MEIOC: variants seen among roughly 807,000 people sequenced by gnomAD.
MEIOC encodes meiosis-specific coiled-coil domain-containing protein MEIOC.
A neutral mutation model predicts 85.3 loss-of-function variants in MEIOC; 9 were observed. The ratio of observed to expected loss-of-function variants is 0.11; its 90% CI spans 0.06 to 0.18. MEIOC has a LOEUF of 0.18. Ranked by LOEUF, MEIOC falls within the 10% of genes least tolerant of loss-of-function variation. MEIOC has a pLI of 1.00. For missense variants in MEIOC, 898 were observed against 1,129.4 expected (o/e 0.80, Z 2.94); for synonymous variants, 365 against 393.7 (o/e 0.93, Z 0.86).
rs764196036 is a variant in MEIOC, at chr17:44,667,949, T to C, written c.2038T>C (p.Phe680Leu). Residue 680 changes from phenylalanine (F) to leucine (L), a missense_variant, in exon 5 of 8, where the codon TTT becomes CTT. Phe to Leu is a conservative substitution (Grantham distance 22). This residue lies in a region of MEIOC where 734 missense variants were observed against 860.1 expected (regional missense o/e 0.85). Transcript: ENST00000409122. ...GGGAGATTTAAGGCATAATCAGTGT[T>C]TTCAACAACTTGGTTCAAATGGGTT... ...MMGDLRHNQC[F>L]QQLGSNGFPL... 1 of 1,613,884 alleles carries C rather than the reference T, an allele frequency of 6.2e-7. No homozygotes were observed. The highest frequency in any genetic ancestry group is 2.2e-5 in the East Asian group (1 of 44,886).
chr17:44,662,506 T>C (rs1247033102), intron 3 of MEIOC, 35 bp downstream of exon 3: 10 of 1,406,936 alleles, frequency 7.1e-6, no homozygotes, highest in African/African-American at 1.5e-5. Context: ...AATTGAGGTA[T>C]TTTTAAATTT....
At chr17:44,675,919 C>A, downstream of MEIOC, 1 of 255,262 alleles carries the variant, frequency 3.9e-6, no homozygotes, top group Non-Finnish European at 6.1e-6. Context: ...TATTAACGCA[C>A]AAGTAATAAT....
intron 5 of MEIOC, 74 bp downstream of exon 5, chr17:44,668,307 A>G: frequency 7.8e-7 from 1 of 1,283,610 alleles, no homozygotes; most frequent in South Asian, 1.5e-5. Context: ...ACCTTAGTGT[A>G]GTGTAAGAGT....
chr17:44,675,985 C>A, downstream of MEIOC: 2 of 167,074 alleles, frequency 1.2e-5, no homozygotes, highest in Non-Finnish European at 2.5e-5. Flanking sequence ...AGATCTCCTT[C>A]AAAGATGAAA....
chr17:44,673,870 A>G, intron 7 of MEIOC, 106 bp from the exon 8 acceptor site: 2 of 1,334,402 alleles, frequency 1.5e-6, no homozygotes, highest in South Asian at 3.0e-5. Flanking sequence ...TTTTTTTACA[A>G]AAATAACATT....
In MEIOC at chr17:44,667,758, A is replaced by G; in HGVS notation, c.1847A>G (p.His616Arg). The change falls in exon 5 of 8, where the codon CAT (histidine) becomes CGT (arginine). Residue 616 changes from histidine (H) to arginine (R), a missense_variant. Physicochemically the swap from His to Arg is conservative, Grantham distance 29 (BLOSUM62 0). Coordinates refer to ENST00000409122, the MANE Select transcript of MEIOC (RefSeq NM_001145080.3). ...HNFQAKPQSGHYDPEEGPKHL... is the reference protein window; with the variant it reads ...HNFQAKPQSGRYDPEEGPKHL... ...TTTCAAGCCAAGCCCCAGAGTGGACATTATGATCCTGAGGAAGGTCCAAAG... is the reference window on the plus strand; with the variant it reads ...TTTCAAGCCAAGCCCCAGAGTGGACGTTATGATCCTGAGGAAGGTCCAAAG... 6.2e-7 allele frequency: 1 copy of G among 1,613,932 alleles called. No individual in the cohort carries two copies. The highest frequency in any genetic ancestry group is 8.5e-7 in the Non-Finnish European group (1 of 1,179,840).
chr17:44,663,718 T>C (rs1222122383), intron 3 of MEIOC, among the ~76,000 whole-genome samples: 2 of 152,170 alleles, frequency 1.3e-5, no homozygotes, highest in Admixed American at 6.5e-5. Context: ...ATATATTACA[T>C]TGAATTTTTT....
rs10514858 is a variant in MEIOC at position 44,675,438 on chromosome 17, A to G, written c.*1242A>G. The G allele has an allele frequency of 0.013, 13,088 of 973,042 alleles. 110 individuals carry two copies. Among genetic ancestry groups the G allele is most frequent in the South Asian group, 0.016 (327 of 21,022 alleles). The allele number at this position is 973,042 out of a possible 1,614,324, so 60.3% of individuals were successfully genotyped here. ...AACTATAATGTACTGATGAAATTTA[A>G]TTGAAATATCCTTGACTAGAAACAC... is the stretch of plus-strand genomic sequence containing the variant. On this transcript the variant is annotated 3_prime_UTR_variant, in exon 8 of 8. Transcript: ENST00000409122.
intron 2 of MEIOC, 117 bp downstream of exon 2, chr17:44,657,378 C>CT (rs35032511): frequency 0.02 from 5,769 of 294,402 alleles, 64 homozygotes; most frequent in African/African-American, 0.05. Flanking sequence ...CCAGGGAAAA[C>CT]TTTTTTTTTT....
intron 3 of MEIOC, among the ~76,000 whole-genome samples, chr17:44,664,235 G>A (rs375350143): frequency 4.6e-5 from 7 of 151,994 alleles, no homozygotes; most frequent in Admixed American, 1.3e-4. Context: ...GGTGGCACGC[G>A]CCTGTAGTCC....
At position 44,662,462 on chromosome 17, in the gene MEIOC, T is replaced by C. The variant is rs1971854950; in HGVS notation, c.350T>C (p.Ile117Thr). ...CAACCTTCTAATTCTCAGATCAGTA[T>C]AAAGAACAGGTAAATTAATTCATTT... ...IKQPSNSQIS[I>T]KNRIQTERND... The change falls in exon 3 of 8, where the codon ATA becomes ACA. Residue 117 changes from isoleucine (I) to threonine (T), a missense_variant. This residue lies in a region of MEIOC where 734 missense variants were observed against 860.1 expected (regional missense o/e 0.85). Coordinates refer to ENST00000409122, the MANE Select transcript of MEIOC (RefSeq NM_001145080.3). 3 of 1,528,970 alleles carry C rather than the reference T, an allele frequency of 2.0e-6. No individual in the cohort carries two copies. Among genetic ancestry groups the C allele is most frequent in the Non-Finnish European group, 1.8e-6 (2 of 1,135,948 alleles). The allele number at this position is 1,528,970 out of a possible 1,614,324, so 94.7% of individuals were successfully genotyped here.
At position 44,666,499 on chromosome 17, in the gene MEIOC, T is replaced by C. The variant is rs936954838; in HGVS notation, c.588T>C (p.Tyr196=). The C allele has an allele frequency of 6.2e-7, 1 of 1,601,392 alleles. No individual in the cohort carries two copies. Among genetic ancestry groups the C allele is most frequent in the Non-Finnish European group, 8.5e-7 (1 of 1,173,198 alleles). The part of the protein sequence containing the change: ...IDTVISQQAF[Y]SDESVSAMEK... ...CAGTCATCTCTCAGCAAGCTTTTTATAGTGATGAATCTGTGTCAGCAATGG... is the reference window on the plus strand; with the variant it reads ...CAGTCATCTCTCAGCAAGCTTTTTACAGTGATGAATCTGTGTCAGCAATGG... Residue 196 remains tyrosine (Y), a synonymous_variant, in exon 5 of 8, where the codon TAT becomes TAC. Coordinates refer to ENST00000409122, the MANE Select transcript of MEIOC (RefSeq NM_001145080.3).
In MEIOC at chr17:44,656,751, T is replaced by C. The variant is rs1242276446; in HGVS notation, c.69+69T>C. The stretch of plus-strand genomic sequence containing the variant: ...GCAAGAGGCGACGAGGAGGAGAGGC[T>C]GAGGAGGGGGCGCGTCCCTAGACGG... On this transcript the variant is annotated intron_variant, in intron 1 of 7. Transcript: ENST00000409122. The C allele has an allele frequency of 4.7e-6, 5 of 1,062,534 alleles. No homozygotes were observed. In the African/African-American group the frequency reaches 1.0e-4, roughly 21 times the overall value. The allele number at this position is 1,062,534 out of a possible 1,614,324, so 65.8% of individuals were successfully genotyped here.
At position 44,662,348 on chromosome 17, in the gene MEIOC, A is replaced by G. The variant is rs1214072710; in HGVS notation, c.236A>G (p.Tyr79Cys). 1 of 1,550,254 alleles carries G rather than the reference A, an allele frequency of 6.5e-7. No individual in the cohort carries two copies. Among genetic ancestry groups the G allele is most frequent in the Admixed American group, 2.0e-5 (1 of 50,790 alleles). Residue 79 changes from tyrosine (Y) to cysteine (C), a missense_variant, in exon 3 of 8, where the codon TAT becomes TGT. Tyr to Cys is a radical substitution (Grantham distance 194, BLOSUM62 -2). Around this residue, in one of 2 missense-constraint regions of MEIOC, gnomAD observed 734 missense variants for 860.1 expected, o/e 0.85. Coordinates refer to ENST00000409122, the MANE Select transcript of MEIOC (RefSeq NM_001145080.3). ...GACAATGTAGACCTAAGGCAGACCT[A>G]TACTCCATTTTCTTCAACAGAATAT... ...SEDNVDLRQT[Y>C]TPFSSTEYSS... is the part of the protein sequence containing the mutation.
At chr17:44,673,755 C>G (rs1426089451) in intron 7 of MEIOC, 5 of 701,946 alleles carry the variant, frequency 7.1e-6, no homozygotes, top group African/African-American at 1.8e-5. Context: ...AGTCTGTGTT[C>G]TACTCAAACT....
intron 2 of MEIOC, among the ~76,000 whole-genome samples, chr17:44,660,812 G>T (rs980245434): frequency 2.0e-5 from 3 of 151,750 alleles, no homozygotes; most frequent in African/African-American, 4.8e-5. Context: ...AAAACCCAAG[G>T]CCCGGCAAAG....
Position 44,667,590 on chromosome 17 carries a change from A to G in MEIOC, c.1679A>G (p.Asn560Ser), listed in dbSNP as rs368948349. Residue 560 changes from asparagine to serine, a missense_variant, in exon 5 of 8, where the codon AAT becomes AGT. Asn to Ser is a conservative substitution (Grantham distance 46). Coordinates refer to ENST00000409122, the MANE Select transcript of MEIOC (RefSeq NM_001145080.3). ...GGTGCAGAAAGAATCCAATCTGTCA[A>G]TCACATAGAAGGACTAACAAAGCCT... ...YSGAERIQSVNHIEGLTKPGE... is the reference protein window; with the variant it reads ...YSGAERIQSVSHIEGLTKPGE... The G allele has an allele frequency of 1.8e-5, 29 of 1,613,798 alleles. No individual in the cohort carries two copies. Among genetic ancestry groups the G allele is most frequent in the Non-Finnish European group, 2.4e-5 (28 of 1,179,808 alleles).
chr17:44,675,829 G>A, downstream of MEIOC: 1 of 838,662 alleles, frequency 1.2e-6, no homozygotes, highest in South Asian at 5.5e-5. Context: ...AAATTCATAT[G>A]TTTCTAACCT....
chr17:44,667,373 C>T lies in MEIOC; in HGVS notation c.1462C>T (p.Pro488Ser), dbSNP rs1397214058. Residue 488 changes from proline (P) to serine (S), a missense_variant, in exon 5 of 8, where the codon CCT becomes TCT. Transcript: ENST00000409122. ...GAATGTTCAAACAAAAAATAACACT[C>T]CTATTCCTTATCGAAATCAAGGTAA... ...WMNVQTKNNT[P>S]IPYRNQGNLM... is the part of the protein sequence containing the mutation. The T allele has an allele frequency of 1.9e-6, 3 of 1,613,700 alleles. No individual in the cohort carries two copies. Among genetic ancestry groups the T allele is most frequent in the East Asian group, 2.2e-5 (1 of 44,886 alleles).
Sources: allele counts gnomAD v4.1 joint callset (sites outside exome capture counted in the v4.1 genomes callset), GRCh38; gene constraint gnomAD v4.1.1; regional missense constraint gnomAD v4.1.1; transcripts MANE v1.5; gene names NCBI Gene and HGNC (gene_info 2026-07-23, HGNC 2026-07-21).